MRE11: variants seen among roughly 807,000 people sequenced by gnomAD.
The protein encoded by MRE11 is MRE11 double strand break repair nuclease, also known as double-strand break repair protein MRE11.
Under a neutral mutation model 91.7 loss-of-function variants are expected in MRE11, and 62 were observed. That is an observed-to-expected ratio of 0.68 (90% CI 0.55 to 0.84). The LOEUF is 0.84. MRE11 is among the 40% of genes least tolerant of loss of function. The probability of loss-of-function intolerance (pLI) is 0.00; values close to 1 mark genes in which losing one functional copy is unlikely to be tolerated. For synonymous variants in MRE11, 273 were observed against 271.4 expected (o/e 1.01, Z -0.06); for missense variants, 796 against 852.9 (o/e 0.93, Z 0.83).
At chr11:94,476,640 A>C (rs540581664) in intron 6 of MRE11, among the ~76,000 whole-genome samples, 17 of 152,154 alleles carry the variant, frequency 1.1e-4, no homozygotes, top group African/African-American at 3.9e-4. Flanking sequence ...TCCTGGGCTC[A>C]AGCAATCCTC....
chr11:94,460,248 A>C (rs1167072880), intron 12 of MRE11, among the ~76,000 whole-genome samples: 1 of 152,232 alleles, frequency 6.6e-6, no homozygotes, highest in African/African-American at 2.4e-5. Context: ...TTTCTGACCT[A>C]CACGACTGTA....
chr11:94,443,162 A>C (rs1945831881), intron 16 of MRE11, among the ~76,000 whole-genome samples: 1 of 152,252 alleles, frequency 6.6e-6, no homozygotes. Context: ...TCCAAGGCAA[A>C]TTAGTCCATC....
intron 1 of MRE11, among the ~76,000 whole-genome samples, chr11:94,493,181 AAATG>A (rs1170973296): frequency 6.6e-6 from 1 of 152,178 alleles, no homozygotes; most frequent in Non-Finnish European, 1.5e-5. Flanking sequence ...TATGCTAAAT[AAATG>A]GGCAGAAAGG....
At position 94,477,555 on chromosome 11, in the gene MRE11, A is replaced by C. The variant is rs546856920; in HGVS notation, c.545-1152T>G. ...AAAGCCAACAATGTAGAAGTCTAGA[A>C]GTTAGAAGTGGCCTAGCTCCCAAGG... On this transcript the variant is annotated intron_variant, in intron 6 of 19. Transcript: ENST00000323929. Among the ~76,000 whole-genome samples, 16 of 152,304 alleles carry C rather than the reference A, an allele frequency of 1.1e-4. No individual in the cohort carries two copies. The South Asian group carries it at 2.9e-3, about 28-fold the overall frequency.
intron 14 of MRE11, among the ~76,000 whole-genome samples, chr11:94,447,707 C>T (rs1019655009): frequency 6.7e-5 from 10 of 149,844 alleles, no homozygotes; most frequent in Non-Finnish European, 1.5e-4. Context: ...TGGTGGCATG[C>T]ACCTGTAGTC....
At chr11:94,500,700 T>C in the MRE11 span, among the ~76,000 whole-genome samples, 4 of 152,212 alleles carry the variant, frequency 2.6e-5, no homozygotes, top group Admixed American at 6.5e-5. Context: ...ACTAGTTGCC[T>C]TTGCTTTTAT....
At chr11:94,429,664 G>A (rs1945410361) in intron 19 of MRE11, among the ~76,000 whole-genome samples, 1 of 152,142 alleles carries the variant, frequency 6.6e-6, no homozygotes, top group South Asian at 2.1e-4. Flanking sequence ...TGGACTACTA[G>A]AGAGTGGAGG....
intron 14 of MRE11, among the ~76,000 whole-genome samples, chr11:94,451,696 A>ATG (rs1392118293): frequency 6.6e-6 from 1 of 152,218 alleles, no homozygotes; most frequent in Non-Finnish European, 1.5e-5. Context: ...GAACAAAGAA[A>ATG]GAAAAAACCC....
chr11:94,452,355 C>T (rs958471389), intron 14 of MRE11, among the ~76,000 whole-genome samples: 2 of 152,008 alleles, frequency 1.3e-5, no homozygotes, highest in African/African-American at 2.4e-5. Flanking sequence ...CTGAAAACAA[C>T]AGTAGGAAAT....
At chr11:94,442,934 C>A (rs1424836305) in intron 16 of MRE11, among the ~76,000 whole-genome samples, 1 of 152,130 alleles carries the variant, frequency 6.6e-6, no homozygotes, top group Non-Finnish European at 1.5e-5. Context: ...AGATACCACT[C>A]CCTAAATGGC....
At chr11:94,453,532 C>T (rs913141241) in intron 14 of MRE11, among the ~76,000 whole-genome samples, 20 of 152,234 alleles carry the variant, frequency 1.3e-4, no homozygotes, top group African/African-American at 4.3e-4. Context: ...GAAGTGGTAT[C>T]TCACTGTGGT....
intron 19 of MRE11, 75 bp from the exon 20 acceptor site, chr11:94,420,256 A>C: frequency 8.5e-7 from 1 of 1,173,874 alleles, no homozygotes; most frequent in Non-Finnish European, 1.3e-6. Flanking sequence ...TCTTATGGGC[A>C]AAACAATACC....
At position 94,438,939 on chromosome 11, in the gene MRE11, T is replaced by C. The variant is rs535814830; in HGVS notation, c.1868-1704A>G. 1.2e-4 allele frequency among the ~76,000 whole-genome samples: 19 copies of C among 152,288 alleles called. 1 individual carries two copies. The South Asian group carries it at 2.9e-3, about 23-fold the overall frequency. ...AACATAGTAGCAGCAGTGGTACCCA[T>C]AGTGGTATAAATGAAATGTAAAGGC... On this transcript the variant is annotated intron_variant, in intron 16 of 19. Transcript: ENST00000323929.
upstream of MRE11, chr11:94,498,080 G>A: frequency 1.2e-6 from 2 of 1,607,836 alleles, no homozygotes; most frequent in Non-Finnish European, 1.7e-6. Context: ...GCTTACCACA[G>A]TGCGGAGACT....
At chr11:94,442,975 G>A (rs1945825994) in intron 16 of MRE11, among the ~76,000 whole-genome samples, 1 of 152,138 alleles carries the variant, frequency 6.6e-6, no homozygotes. Flanking sequence ...GAAGCAAAAA[G>A]CTAAGGATCT....
chr11:94,438,183 ATTTAGG>A (rs1273674338), intron 16 of MRE11, among the ~76,000 whole-genome samples: 12 of 152,174 alleles, frequency 7.9e-5, no homozygotes, highest in African/African-American at 2.4e-4. Flanking sequence ...CAAACGTCTA[ATTTAGG>A]TTTATTTTCT....
At chr11:94,429,842 G>C in intron 19 of MRE11, 69 bp downstream of exon 19, 1 of 1,340,168 alleles carries the variant, frequency 7.5e-7, no homozygotes, top group African/African-American at 1.5e-5. Context: ...TCAGCAACTA[G>C]CTGGCAGTCT....
chr11:94,506,827 C>T, the MRE11 span, among the ~76,000 whole-genome samples: 16 of 152,112 alleles, frequency 1.1e-4, no homozygotes, highest in South Asian at 1.7e-3. Flanking sequence ...TGGCCTCAAG[C>T]GATCCTCCTG....
chr11:94,458,450 T>C (rs1291135185), intron 13 of MRE11, among the ~76,000 whole-genome samples: 1 of 152,182 alleles, frequency 6.6e-6, no homozygotes, highest in Non-Finnish European at 1.5e-5. Flanking sequence ...CAAAATGTCA[T>C]TTTTAAGCTG....
Sources: allele counts gnomAD v4.1 joint callset (sites outside exome capture counted in the v4.1 genomes callset), GRCh38; gene constraint gnomAD v4.1.1; transcripts MANE v1.5; gene names NCBI Gene and HGNC (gene_info 2026-07-23, HGNC 2026-07-21).